SHROOM3: variants seen among roughly 807,000 people sequenced by gnomAD.
The protein encoded by SHROOM3 is shroom family member 3, also known as protein Shroom3.
Under a neutral mutation model 138.6 loss-of-function variants are expected in SHROOM3, and 47 were observed. That is an observed-to-expected ratio of 0.34 (90% CI 0.27 to 0.43). SHROOM3 has a LOEUF of 0.43. SHROOM3 is among the 20% of genes least tolerant of loss of function. The probability of loss-of-function intolerance (pLI) is 1.00; values close to 1 mark genes in which losing one functional copy is unlikely to be tolerated. For missense variants in SHROOM3, 2,491 were observed against 2,596.5 expected, an observed-to-expected ratio of 0.96 and a Z score of 0.88; for synonymous variants, 1,062 against 1,063.3, an observed-to-expected ratio of 1.00 and a Z score of 0.02.
chr4:76,582,557 A>G (rs1036645776), intron 2 of SHROOM3, among the ~76,000 whole-genome samples: 2 of 152,216 alleles, frequency 1.3e-5, no homozygotes, highest in African/African-American at 2.4e-5. Flanking sequence ...TCTGCAGTTC[A>G]TCAACAGAGT....
intron 1 of SHROOM3, among the ~76,000 whole-genome samples, chr4:76,538,389 G>A (rs1359850343): frequency 6.6e-6 from 1 of 152,172 alleles, no homozygotes; most frequent in Non-Finnish European, 1.5e-5. Flanking sequence ...AAGATGGCTT[G>A]GAGGAGGAGT....
chr4:76,642,940 C>T (rs1735712626), intron 2 of SHROOM3, among the ~76,000 whole-genome samples: 1 of 152,126 alleles, frequency 6.6e-6, no homozygotes, highest in Non-Finnish European at 1.5e-5. Context: ...GGAGCAATGG[C>T]TCATGCCTGT....
intron 9 of SHROOM3, among the ~76,000 whole-genome samples, chr4:76,760,894 G>A (rs1165667856): frequency 4.6e-5 from 7 of 152,138 alleles, no homozygotes; most frequent in African/African-American, 1.4e-4. Flanking sequence ...CATGTATCAC[G>A]TTGCCATGGC....
At chr4:76,688,078 C>T (rs554990453) in intron 2 of SHROOM3, among the ~76,000 whole-genome samples, 1 of 152,194 alleles carries the variant, frequency 6.6e-6, no homozygotes, top group Non-Finnish European at 1.5e-5. Flanking sequence ...CCCTCTCCCC[C>T]AAACAAGATT....
intron 6 of SHROOM3, among the ~76,000 whole-genome samples, chr4:76,753,885 G>A (rs866144143): frequency 6.6e-6 from 1 of 152,194 alleles, no homozygotes; most frequent in Non-Finnish European, 1.5e-5. Context: ...CGTGGGGATC[G>A]CACTGGGAGA....
chr4:76,502,472 T>C (rs1732118447), intron 1 of SHROOM3, among the ~76,000 whole-genome samples: 1 of 152,162 alleles, frequency 6.6e-6, no homozygotes, highest in Non-Finnish European at 1.5e-5. Flanking sequence ...AACCCTCAAC[T>C]TGTGGGACCT....
intron 1 of SHROOM3, among the ~76,000 whole-genome samples, chr4:76,551,861 A>G (rs1398364766): frequency 6.6e-6 from 1 of 151,492 alleles, no homozygotes; most frequent in Non-Finnish European, 1.5e-5. Flanking sequence ...AAGAAGAATT[A>G]TTATTATTAT....
chr4:76,526,023 A>G (rs1304679258), intron 1 of SHROOM3, among the ~76,000 whole-genome samples: 1 of 152,162 alleles, frequency 6.6e-6, no homozygotes, highest in Non-Finnish European at 1.5e-5. Flanking sequence ...AGTTGAAACC[A>G]AGCTTTGGGA....
At chr4:76,529,022 CTG>C (rs1415436627) in intron 1 of SHROOM3, among the ~76,000 whole-genome samples, 1 of 152,218 alleles carries the variant, frequency 6.6e-6, no homozygotes, top group African/African-American at 2.4e-5. Context: ...CCATCTGCCG[CTG>C]ATGTTCACAG....
chr4:76,625,189 A>G (rs1318356665), intron 2 of SHROOM3, among the ~76,000 whole-genome samples: 1 of 152,234 alleles, frequency 6.6e-6, no homozygotes, highest in East Asian at 1.9e-4. Flanking sequence ...GTATGGTTAC[A>G]GTTTCAGCTT....
At chr4:76,601,529 TTTTA>T (rs1163652622) in intron 2 of SHROOM3, among the ~76,000 whole-genome samples, 1 of 152,192 alleles carries the variant, frequency 6.6e-6, no homozygotes. Flanking sequence ...TTGCTTTCTT[TTTTA>T]TTTATTTATC....
chr4:76,677,506 G>A (rs1272703338), intron 2 of SHROOM3, among the ~76,000 whole-genome samples: 2 of 152,152 alleles, frequency 1.3e-5, no homozygotes, highest in African/African-American at 4.8e-5. Context: ...AAATAACCAG[G>A]CGAGGTGAAT....
At chr4:76,699,370 C>G (rs1296462960) in intron 2 of SHROOM3, among the ~76,000 whole-genome samples, 1 of 152,228 alleles carries the variant, frequency 6.6e-6, no homozygotes. Context: ...AGGCCCTCCC[C>G]CTGCTTTTTA....
At chr4:76,576,728 T>G (rs1733948327) in intron 2 of SHROOM3, among the ~76,000 whole-genome samples, 1 of 152,280 alleles carries the variant, frequency 6.6e-6, no homozygotes, top group Admixed American at 6.5e-5. Context: ...TATTATGTGT[T>G]GCATGCCTGT....
chr4:76,662,839 G>A (rs529529121), intron 2 of SHROOM3, among the ~76,000 whole-genome samples: 110 of 152,168 alleles, frequency 7.2e-4, no homozygotes, highest in African/African-American at 2.5e-3. Flanking sequence ...CTGTGATTGC[G>A]ACAGTGTGCT....
At chr4:76,448,687 A>C (rs1384239969) in intron 1 of SHROOM3, among the ~76,000 whole-genome samples, 1 of 152,134 alleles carries the variant, frequency 6.6e-6, no homozygotes, top group African/African-American at 2.4e-5. Flanking sequence ...CTTCCTTGTC[A>C]GCTTTCTTTA....
chr4:76,555,554 A>T, intron 1 of SHROOM3, 55 bp from the exon 2 acceptor site: 1 of 1,609,572 alleles, frequency 6.2e-7, no homozygotes, highest in Non-Finnish European at 8.5e-7. Flanking sequence ...AGCCGGACAG[A>T]CCCCAGGCCA....
At chr4:76,436,249 A>T (rs747059789) in intron 1 of SHROOM3, 29 bp downstream of exon 1, 5 of 1,612,720 alleles carry the variant, frequency 3.1e-6, no homozygotes. Context: ...TATTGCCTTT[A>T]TTCAAATTGT....
chr4:76,710,967 T>C (rs992672743), intron 3 of SHROOM3, among the ~76,000 whole-genome samples: 1 of 152,192 alleles, frequency 6.6e-6, no homozygotes, highest in African/African-American at 2.4e-5. Context: ...CAGTGCCTAC[T>C]TCATAGGACA....
Sources: allele counts gnomAD v4.1 joint callset (sites outside exome capture counted in the v4.1 genomes callset), GRCh38; gene constraint gnomAD v4.1.1; transcripts MANE v1.5; gene names NCBI Gene and HGNC (gene_info 2026-07-23, HGNC 2026-07-21).